WDFY2: variants seen among roughly 807,000 people sequenced by gnomAD.
The protein encoded by WDFY2 is WD repeat and FYVE domain containing 2.
WDFY2 carries 36 observed loss-of-function variants against 56.4 expected under a neutral mutation model. That is an observed-to-expected ratio of 0.64 (90% CI 0.49 to 0.84). The LOEUF is 0.84. WDFY2 is among the 40% of genes least tolerant of loss of function. The pLI is 0.00. For synonymous variants in WDFY2, 176 were observed against 183.7 expected, an observed-to-expected ratio of 0.96 and a Z score of 0.34; for missense variants, 444 against 512.2, an observed-to-expected ratio of 0.87 and a Z score of 1.29.
At chr13:51,673,075 T>C (rs1955831661) in intron 2 of WDFY2, among the ~76,000 whole-genome samples, 1 of 152,234 alleles carries the variant, frequency 6.6e-6, no homozygotes, top group Admixed American at 6.5e-5. Context: ...ATGGCAGCAG[T>C]AATACTTTAT....
chr13:51,605,178 A>G (rs1954361704), intron 1 of WDFY2, among the ~76,000 whole-genome samples: 1 of 152,236 alleles, frequency 6.6e-6, no homozygotes, highest in African/African-American at 2.4e-5. Context: ...GTGTTTCAAA[A>G]GATGAGTGGA....
intron 4 of WDFY2, among the ~76,000 whole-genome samples, chr13:51,716,796 AG>A (rs1161804714): frequency 5.3e-5 from 8 of 151,028 alleles, no homozygotes. Context: ...AAAAAAAACT[AG>A]CAAATTGACC....
chr13:51,619,573 G>A (rs1276900851), intron 1 of WDFY2, among the ~76,000 whole-genome samples: 2 of 152,122 alleles, frequency 1.3e-5, no homozygotes, highest in Non-Finnish European at 2.9e-5. Context: ...TCATATGTGA[G>A]CAATTAAAAT....
At chr13:51,675,902 C>G (rs1955878494) in intron 3 of WDFY2, among the ~76,000 whole-genome samples, 1 of 152,196 alleles carries the variant, frequency 6.6e-6, no homozygotes, top group Non-Finnish European at 1.5e-5. Flanking sequence ...TAAGTTTCAA[C>G]TAGTATATTA....
At chr13:51,637,133 G>T (rs1231673791) in intron 1 of WDFY2, among the ~76,000 whole-genome samples, 1 of 152,186 alleles carries the variant, frequency 6.6e-6, no homozygotes, top group Non-Finnish European at 1.5e-5. Context: ...ACTGGGGATG[G>T]AGGAGGAACA....
intron 5 of WDFY2, among the ~76,000 whole-genome samples, chr13:51,726,282 A>T (rs542511683): frequency 1.3e-5 from 2 of 152,266 alleles, no homozygotes; most frequent in East Asian, 3.9e-4. Flanking sequence ...AAAGATCTCC[A>T]TTTTTACCCC....
chr13:51,696,971 A>T (rs1311836133), intron 3 of WDFY2, among the ~76,000 whole-genome samples: 1 of 152,236 alleles, frequency 6.6e-6, no homozygotes, highest in Non-Finnish European at 1.5e-5. Flanking sequence ...GTATGCAAAT[A>T]GATAAGAAAA....
chr13:51,626,615 T>TA (rs919003231), intron 1 of WDFY2, among the ~76,000 whole-genome samples: 2 of 152,088 alleles, frequency 1.3e-5, no homozygotes, highest in South Asian at 2.1e-4. Flanking sequence ...TGGCAGGGGC[T>TA]AAAAAAAATG....
chr13:51,585,879 A>G (rs955793756), intron 1 of WDFY2: 1 of 396,450 alleles, frequency 2.5e-6, no homozygotes, highest in East Asian at 3.6e-5. Context: ...TTCCGCACTT[A>G]GCATAGTGTG....
At chr13:51,631,329 A>G (rs1954948064) in intron 1 of WDFY2, among the ~76,000 whole-genome samples, 1 of 151,366 alleles carries the variant, frequency 6.6e-6, no homozygotes, top group African/African-American at 2.4e-5. Context: ...AATTTCAGTC[A>G]GCAGTGAGCC....
intron 3 of WDFY2, among the ~76,000 whole-genome samples, chr13:51,682,809 A>G (rs1956000474): frequency 6.6e-6 from 1 of 152,188 alleles, no homozygotes; most frequent in Non-Finnish European, 1.5e-5. Flanking sequence ...CATTTGCAGT[A>G]ACCAGGAAGC....
intron 1 of WDFY2, among the ~76,000 whole-genome samples, chr13:51,658,709 G>A (rs1246309771): frequency 6.6e-6 from 1 of 152,144 alleles, no homozygotes; most frequent in Non-Finnish European, 1.5e-5. Flanking sequence ...ATGCCGATAT[G>A]CGTATCGCTA....
chr13:51,664,662 G>A (rs1476235746), intron 2 of WDFY2, among the ~76,000 whole-genome samples: 1 of 152,162 alleles, frequency 6.6e-6, no homozygotes, highest in Non-Finnish European at 1.5e-5. Context: ...CACCTGAGCA[G>A]ATTTCTGTTA....
intron 4 of WDFY2, 99 bp from the exon 5 acceptor site, chr13:51,719,099 C>G (rs1952430167): frequency 6.5e-7 from 1 of 1,527,758 alleles, no homozygotes; most frequent in African/African-American, 1.4e-5. Flanking sequence ...TCAGCTTATT[C>G]TGGGGTGGGG....
chr13:51,691,337 G>A (rs1412916708), intron 3 of WDFY2, among the ~76,000 whole-genome samples: 10 of 151,192 alleles, frequency 6.6e-5, no homozygotes, highest in African/African-American at 9.7e-5. Flanking sequence ...TAGGTCTAAC[G>A]TTTAAGTCTT....
intron 3 of WDFY2, among the ~76,000 whole-genome samples, chr13:51,701,520 CAAA>C (rs368134096): frequency 5.0e-5 from 4 of 79,568 alleles, no homozygotes; most frequent in Non-Finnish European, 9.4e-5. Context: ...GATTCCATCT[CAAA>C]AAAAAAAAAA....
intron 7 of WDFY2, among the ~76,000 whole-genome samples, chr13:51,750,980 C>G (rs777236134): frequency 6.6e-6 from 1 of 152,068 alleles, no homozygotes; most frequent in Admixed American, 6.5e-5. Context: ...AATGAACATA[C>G]GCTACACATT....
chr13:51,749,241 A>G (rs1953172818), intron 7 of WDFY2, among the ~76,000 whole-genome samples: 1 of 152,188 alleles, frequency 6.6e-6, no homozygotes, highest in African/African-American at 2.4e-5. Flanking sequence ...CAAATTAAGT[A>G]TATATCGATC....
At chr13:51,677,813 T>C (rs1005632184) in intron 3 of WDFY2, among the ~76,000 whole-genome samples, 3 of 152,112 alleles carry the variant, frequency 2.0e-5, no homozygotes, top group African/African-American at 7.2e-5. Context: ...AAGAGGGTCC[T>C]GAACAATTTG....
Sources: gnomAD v4.1 joint callset for allele counts (sites outside exome capture counted in the v4.1 genomes callset) on GRCh38, gnomAD v4.1.1 for gene constraint, MANE v1.5 for transcripts, NCBI Gene and HGNC (gene_info 2026-07-23, HGNC 2026-07-21) for gene names.